The following SLC12A8 variants were observed in gnomAD, a reference collection of about 807,000 sequenced individuals.
SLC12A8 encodes cation-chloride cotransporter 9.
SLC12A8 carries 69 observed loss-of-function variants against 75.6 expected under a neutral mutation model. That is an observed-to-expected ratio of 0.91 (90% CI 0.75 to 1.11). The LOEUF is 1.11. Ranked by LOEUF, SLC12A8 falls within the 50% of genes most tolerant of loss-of-function variation. SLC12A8 has a pLI of 0.00. For missense variants in SLC12A8, 877 were observed against 896.7 expected (o/e 0.98, Z 0.28); for synonymous variants, 365 against 372.8 (o/e 0.98, Z 0.24).
chr3:125,202,650 T>TAAAAAA (rs371036226), intron 2 of SLC12A8, among the ~76,000 whole-genome samples: 46,294 of 149,682 alleles, frequency 0.31, 7,360 homozygotes, highest in South Asian at 0.35. Flanking sequence ...TTTTTTTTTT[T>TAAAAAA]AAATCTGTAT....
chr3:125,201,404 TA>T (rs1469222083), intron 2 of SLC12A8, among the ~76,000 whole-genome samples: 2 of 151,820 alleles, frequency 1.3e-5, no homozygotes, highest in Non-Finnish European at 2.9e-5. Flanking sequence ...ACCCTGTCTC[TA>T]AAAACAAAAA....
At chr3:125,093,277 T>A (rs181870585) in intron 10 of SLC12A8, among the ~76,000 whole-genome samples, 89 of 152,342 alleles carry the variant, frequency 5.8e-4, no homozygotes, top group Non-Finnish European at 1.2e-3. Flanking sequence ...CTTCATAGTT[T>A]GTTGCTCAGG....
intron 5 of SLC12A8, among the ~76,000 whole-genome samples, chr3:125,162,416 G>T (rs539420084): frequency 6.6e-6 from 1 of 152,120 alleles, no homozygotes; most frequent in Non-Finnish European, 1.5e-5. Context: ...ACCTTTCTGC[G>T]ATCCCAGTAT....
chr3:125,086,766 A>C (rs2688992), intron 13 of SLC12A8, among the ~76,000 whole-genome samples: 90,071 of 151,982 alleles, frequency 0.59, 27,861 homozygotes, highest in African/African-American at 0.77. Context: ...AGACATTGAG[A>C]CCAGCTGGCC....
At chr3:125,118,726 C>T in intron 8 of SLC12A8, 43 bp downstream of exon 8, 1 of 1,467,048 alleles carries the variant, frequency 6.8e-7, no homozygotes, top group Non-Finnish European at 9.5e-7. Flanking sequence ...AAATAAATGA[C>T]TCCGGCAGAC....
intron 2 of SLC12A8, among the ~76,000 whole-genome samples, chr3:125,195,774 A>G (rs1934998793): frequency 6.6e-6 from 1 of 152,116 alleles, no homozygotes; most frequent in African/African-American, 2.4e-5. Flanking sequence ...CAAAACTCAG[A>G]GCCCAGAGAT....
At chr3:125,099,089 T>C (rs1297125115) in intron 10 of SLC12A8, among the ~76,000 whole-genome samples, 1 of 152,190 alleles carries the variant, frequency 6.6e-6, no homozygotes, top group Non-Finnish European at 1.5e-5. Flanking sequence ...AATGGGGAAC[T>C]AATTGGATCC....
intron 5 of SLC12A8, among the ~76,000 whole-genome samples, chr3:125,152,551 A>G (rs1369924688): frequency 2.6e-5 from 4 of 152,238 alleles, no homozygotes; most frequent in Admixed American, 1.3e-4. Context: ...TCAAAATAAT[A>G]AAACCCCAAA....
rs1419661808 is a variant in SLC12A8 at position 125,120,492 on chromosome 3, T to C, written c.824+107A>G. ...AAGAAGGATCGGAATATGAAATAGA[T>C]TGGTCACAGTCGGGGCACTCTCAGA... On this transcript the variant is annotated intron_variant, in intron 7 of 13. Coordinates refer to ENST00000469902, the MANE Select transcript of SLC12A8 (RefSeq NM_024628.6). The C allele has an allele frequency of 1.6e-5, 13 of 792,666 alleles. No homozygotes were observed. In the East Asian group the frequency reaches 3.5e-4, roughly 21 times the overall value. 49.1% of individuals were successfully genotyped at this position (792,666 alleles called of 1,614,324 possible).
chr3:125,181,106 A>G (rs1934648094), intron 4 of SLC12A8, among the ~76,000 whole-genome samples: 1 of 152,250 alleles, frequency 6.6e-6, no homozygotes, highest in African/African-American at 2.4e-5. Flanking sequence ...AACTAAAAGC[A>G]TAGTAGAACT....
intron 5 of SLC12A8, among the ~76,000 whole-genome samples, chr3:125,164,064 C>T (rs560286343): frequency 1.3e-5 from 2 of 152,368 alleles, no homozygotes; most frequent in South Asian, 4.1e-4. Flanking sequence ...TCATTTCCTG[C>T]TTCCCCTTAA....
At chr3:125,097,153 G>C (rs938269985) in intron 10 of SLC12A8, among the ~76,000 whole-genome samples, 8 of 152,120 alleles carry the variant, frequency 5.3e-5, no homozygotes, top group Non-Finnish European at 1.0e-4. Context: ...GCGAGGCCAA[G>C]GGGCAGGTGC....
At chr3:125,190,889 T>G (rs1007787159) in intron 2 of SLC12A8, among the ~76,000 whole-genome samples, 2 of 152,096 alleles carry the variant, frequency 1.3e-5, no homozygotes, top group Non-Finnish European at 2.9e-5. Flanking sequence ...TGTGACTGAG[T>G]TCTAGCCCAT....
chr3:125,090,272 GA>G, intron 12 of SLC12A8, among the ~76,000 whole-genome samples: 1 of 152,266 alleles, frequency 6.6e-6, no homozygotes, highest in South Asian at 2.1e-4. Flanking sequence ...TCTGGTCAGA[GA>G]GCATACTCTG....
chr3:125,169,551 T>C (rs1579520178), intron 5 of SLC12A8, among the ~76,000 whole-genome samples: 1 of 151,256 alleles, frequency 6.6e-6, no homozygotes, highest in African/African-American at 2.4e-5. Flanking sequence ...GAGGGAGGGG[T>C]GTGCCAGGGG....
At chr3:125,093,494 T>C (rs975294015) in intron 10 of SLC12A8, among the ~76,000 whole-genome samples, 1 of 152,164 alleles carries the variant, frequency 6.6e-6, no homozygotes. Context: ...GGGATCCACG[T>C]CTCATGGATC....
chr3:125,135,236 T>C (rs1323858781), intron 6 of SLC12A8, among the ~76,000 whole-genome samples: 1 of 152,130 alleles, frequency 6.6e-6, no homozygotes, highest in Non-Finnish European at 1.5e-5. Flanking sequence ...CTGGTACGGG[T>C]AGGGGGAAGG....
At chr3:125,087,481 G>T (rs1320106010) in intron 13 of SLC12A8, among the ~76,000 whole-genome samples, 2 of 152,214 alleles carry the variant, frequency 1.3e-5, no homozygotes, top group Admixed American at 6.5e-5. Flanking sequence ...TGATCCACTA[G>T]CAATGTCTGA....
chr3:125,170,981 T>G (rs1461446515), intron 5 of SLC12A8, among the ~76,000 whole-genome samples: 1 of 151,568 alleles, frequency 6.6e-6, no homozygotes, highest in Non-Finnish European at 1.5e-5. Flanking sequence ...CTCTGGGGAG[T>G]AGGAGTGGGA....
Sources: gnomAD v4.1 joint callset for allele counts (sites outside exome capture counted in the v4.1 genomes callset) on GRCh38, gnomAD v4.1.1 for gene constraint, MANE v1.5 for transcripts, NCBI Gene and HGNC (gene_info 2026-07-23, HGNC 2026-07-21) for gene names.